Variants in SPATS2L observed in about 807,000 individuals in gnomAD.
SPATS2L encodes SPATS2-like protein.
SPATS2L carries 30 observed loss-of-function variants against 59.6 expected under a neutral mutation model. The observed-to-expected ratio is 0.50, with a 90% CI of 0.38 to 0.68. SPATS2L has a LOEUF of 0.68. Ranked by LOEUF, SPATS2L falls within the 30% of genes least tolerant of loss-of-function variation. The pLI is 0.00. For synonymous variants in SPATS2L, 252 were observed against 263.5 expected (o/e 0.96, Z 0.42); for missense variants, 615 against 700.0 (o/e 0.88, Z 1.37).
At chr2:200,366,711 A>G (rs2081279054) in intron 2 of SPATS2L, among the ~76,000 whole-genome samples, 1 of 152,222 alleles carries the variant, frequency 6.6e-6, no homozygotes, top group Non-Finnish European at 1.5e-5. Context: ...CTCACATGTG[A>G]TGTCTGCTTA....
chr2:200,456,811 G>T (rs1026528693), intron 8 of SPATS2L, among the ~76,000 whole-genome samples: 12 of 152,094 alleles, frequency 7.9e-5, no homozygotes, highest in Non-Finnish European at 1.5e-4. Flanking sequence ...TGTGTGCTGG[G>T]CATGCTCTCT....
Position 200,467,343 on chromosome 2 carries a change from G to T in SPATS2L, c.901G>T (p.Asp301Tyr). ...KKAEELKRLT[D>Y]LASQMAEMQL... ...AGCAGAAGAACTAAAGAGACTCACT[G>T]ACCTTGCCAGTCAGATGGCAGAGAT... Residue 301 changes from aspartate (D) to tyrosine (Y), a missense_variant, in exon 10 of 13, where the codon GAC (aspartate) becomes TAC (tyrosine). This residue lies in a region of SPATS2L where 104 missense variants were observed against 162.5 expected (regional missense o/e 0.64). Transcript: ENST00000409140. 2 of 1,614,044 alleles carry T rather than the reference G, an allele frequency of 1.2e-6. No individual in the cohort carries two copies. The highest frequency in any genetic ancestry group is 2.2e-5 in the South Asian group (2 of 91,078).
At position 200,478,113 on chromosome 2, in the gene SPATS2L, C is replaced by T; in HGVS notation, c.*82C>T. ...ACCCAATTCGCTGCCAAAAGAGTGT[C>T]AATCAGAATATACAAATCCCGTATG... On this transcript the variant is annotated 3_prime_UTR_variant, in exon 13 of 13. Transcript: ENST00000409140. 2.3e-6 allele frequency: 3 copies of T among 1,316,540 alleles called. No homozygotes were observed. In the East Asian group the frequency reaches 7.1e-5, roughly 31 times the overall value. 81.6% of individuals were successfully genotyped at this position (1,316,540 alleles called of 1,614,324 possible).
intron 3 of SPATS2L, among the ~76,000 whole-genome samples, chr2:200,396,192 C>T (rs2105943426): frequency 6.6e-6 from 1 of 151,110 alleles, no homozygotes; most frequent in East Asian, 1.9e-4. Flanking sequence ...ATAAGTGAGA[C>T]TAGACAATAC....
intron 2 of SPATS2L, among the ~76,000 whole-genome samples, chr2:200,354,225 C>T (rs929218518): frequency 3.3e-5 from 5 of 152,164 alleles, no homozygotes; most frequent in African/African-American, 9.7e-5. Context: ...TGATGTTCCT[C>T]GCTCTCATAC....
rs1430403441 is a variant in SPATS2L, at chr2:200,396,043, T to A, written c.39+6760T>A. ...AAAAAAAAAAAAAAAAATATATATA[T>A]ATATATATATATATATATATATATT... On this transcript the variant is annotated intron_variant, in intron 3 of 12. Transcript: ENST00000409140. Among the ~76,000 whole-genome samples the A allele has an allele frequency of 8.0e-3, 396 of 49,794 alleles. 2 individuals carry two copies. The highest frequency in any genetic ancestry group is 0.014 in the South Asian group (16 of 1,110). 32.7% of individuals were successfully genotyped at this position (49,794 alleles called of 152,430 possible).
intron 2 of SPATS2L, among the ~76,000 whole-genome samples, chr2:200,375,897 G>A (rs948300782): frequency 6.6e-6 from 1 of 152,202 alleles, no homozygotes; most frequent in Admixed American, 6.5e-5. Context: ...AAAGTGCTGG[G>A]ATTACAGGCA....
intron 3 of SPATS2L, among the ~76,000 whole-genome samples, chr2:200,395,343 G>T (rs1266890283): frequency 6.6e-6 from 1 of 152,186 alleles, no homozygotes. Flanking sequence ...CTTTGTAAAT[G>T]GGGTTAATAG....
At chr2:200,308,961 A>G in intron 1 of SPATS2L, 1 of 706,590 alleles carries the variant, frequency 1.4e-6, no homozygotes, top group Non-Finnish European at 2.6e-6. Context: ...TTGTGGAGAG[A>G]GTTATCTGTG....
At chr2:200,420,108 C>T (rs2083248374) in intron 6 of SPATS2L, among the ~76,000 whole-genome samples, 1 of 152,026 alleles carries the variant, frequency 6.6e-6, no homozygotes, top group Admixed American at 6.6e-5. Flanking sequence ...ATTATTTGTG[C>T]TATAGCTATA....
chr2:200,366,273 A>G (rs920483858), intron 2 of SPATS2L, among the ~76,000 whole-genome samples: 1 of 152,220 alleles, frequency 6.6e-6, no homozygotes, highest in African/African-American at 2.4e-5. Context: ...AACAGTCAAC[A>G]GATTCATACC....
At chr2:200,364,374 A>G (rs1470875027) in intron 2 of SPATS2L, among the ~76,000 whole-genome samples, 1 of 152,154 alleles carries the variant, frequency 6.6e-6, no homozygotes, top group African/African-American at 2.4e-5. Context: ...ATGATTTGTG[A>G]GAAGTACTTA....
Position 200,419,480 on chromosome 2 carries a change from A to T in SPATS2L, c.429A>T (p.Ala143=). ...KISILEEPSK[A]LRGVTEGNRL... ...CGATACTTGAGGAACCTTCAAAGGC[A>T]CTTCGTGGGGTCACAGGTCAGTAAT... The change falls in exon 6 of 13, where the codon GCA becomes GCT. Residue 143 remains alanine, a synonymous_variant. Transcript: ENST00000409140. The T allele has an allele frequency of 6.2e-7, 1 of 1,613,904 alleles. No individual in the cohort carries two copies. Among genetic ancestry groups the T allele is most frequent in the Non-Finnish European group, 8.5e-7 (1 of 1,179,850 alleles).
intron 2 of SPATS2L, among the ~76,000 whole-genome samples, chr2:200,356,867 C>G (rs537873944): frequency 6.6e-6 from 1 of 152,252 alleles, no homozygotes; most frequent in African/African-American, 2.4e-5. Flanking sequence ...GGCAAGAGAG[C>G]AAGAGGGGGC....
At chr2:200,393,929 A>G (rs2082248717) in intron 3 of SPATS2L, among the ~76,000 whole-genome samples, 1 of 152,236 alleles carries the variant, frequency 6.6e-6, no homozygotes, top group Non-Finnish European at 1.5e-5. Flanking sequence ...TGAGTTCATC[A>G]GCTGTCTCTA....
At chr2:200,358,993 T>TA (rs5837733) in intron 2 of SPATS2L, among the ~76,000 whole-genome samples, 1 of 150,342 alleles carries the variant, frequency 6.7e-6, no homozygotes, top group African/African-American at 2.4e-5. Context: ...CCCTGACTCT[T>TA]AAAAAAAAAA....
At chr2:200,307,588 A>G (rs993211569) in intron 1 of SPATS2L, among the ~76,000 whole-genome samples, 1 of 152,162 alleles carries the variant, frequency 6.6e-6, no homozygotes, top group Non-Finnish European at 1.5e-5. Context: ...GGGACCCCGG[A>G]GTCCGCGGGC....
chr2:200,426,769 T>A (rs2083607895), intron 6 of SPATS2L, among the ~76,000 whole-genome samples: 1 of 152,216 alleles, frequency 6.6e-6, no homozygotes, highest in Non-Finnish European at 1.5e-5. Flanking sequence ...ACATAATTAC[T>A]ATTCTCATTC....
intron 6 of SPATS2L, among the ~76,000 whole-genome samples, chr2:200,434,337 C>T (rs1336270870): frequency 6.6e-6 from 1 of 151,996 alleles, no homozygotes; most frequent in Non-Finnish European, 1.5e-5. Flanking sequence ...AATGCAGTTT[C>T]CCTAAGACCC....
Sources: gnomAD v4.1 joint callset for allele counts (sites outside exome capture counted in the v4.1 genomes callset) on GRCh38, gnomAD v4.1.1 for gene constraint, gnomAD v4.1.1 regional missense constraint, MANE v1.5 for transcripts, NCBI Gene and HGNC (gene_info 2026-07-23, HGNC 2026-07-21) for gene names.